ERC1: variants seen among roughly 807,000 people sequenced by gnomAD.
The protein encoded by ERC1 is ELKS/RAB6-interacting/CAST family member 1, also known as RAB6 interacting protein 2.
In ERC1, 56 loss-of-function variants were observed where a neutral mutation model predicts 132.0. The observed-to-expected ratio is 0.42, with a 90% confidence interval of 0.34 to 0.53. The LOEUF (loss-of-function observed/expected upper bound fraction) is 0.53. Ranked by LOEUF, ERC1 falls within the 20% of genes least tolerant of loss-of-function variation. The pLI is 0.03. For synonymous variants in ERC1, 478 were observed against 476.1 expected (o/e 1.00, Z -0.05); for missense variants, 1,202 against 1,349.9 (o/e 0.89, Z 1.72).
In ERC1 at chr12:1,487,825, A is replaced by AG. The variant is rs1555133018; in HGVS notation, c.3214-2268_3214-2267insG. The stretch of plus-strand genomic sequence containing the variant: ...GAAAAGAAACGAGAGAGAGAGAGAG[A>AG]AAGAAAAGAAAAGAAAGGAAAGAGA... On this transcript the variant is annotated intron_variant, in intron 18 of 18. Coordinates refer to ENST00000360905, the MANE Select transcript of ERC1 (RefSeq NM_178040.4). Among the ~76,000 whole-genome samples the AG allele has an allele frequency of 4.4e-3, 660 of 150,780 alleles. 2 individuals are homozygous for AG. Among genetic ancestry groups the AG allele is most frequent in the African/African-American group, 0.015 (624 of 41,184 alleles).
intron 2 of ERC1, among the ~76,000 whole-genome samples, chr12:1,043,624 A>G (rs775535248): frequency 1.3e-5 from 2 of 152,126 alleles, no homozygotes; most frequent in Non-Finnish European, 2.9e-5. Flanking sequence ...CCCTCATACC[A>G]TATGATTTTC....
At chr12:1,481,310 T>C (rs1264571102) in intron 18 of ERC1, among the ~76,000 whole-genome samples, 1 of 152,280 alleles carries the variant, frequency 6.6e-6, no homozygotes, top group Non-Finnish European at 1.5e-5. Context: ...CACATTGATC[T>C]AAGTTTTTAG....
chr12:1,194,633 C>CT (rs1318491577), intron 12 of ERC1, among the ~76,000 whole-genome samples: 1 of 151,882 alleles, frequency 6.6e-6, no homozygotes, highest in Non-Finnish European at 1.5e-5. Context: ...GCTTTGTTAC[C>CT]TTTTTTCTAA....
At chr12:1,406,771 G>A (rs907593929) in intron 16 of ERC1, among the ~76,000 whole-genome samples, 2 of 152,142 alleles carry the variant, frequency 1.3e-5, no homozygotes, top group African/African-American at 4.8e-5. Flanking sequence ...TACTCAGGAG[G>A]CTGAGTTGGG....
At chr12:1,129,967 A>G (rs1023658083) in intron 7 of ERC1, among the ~76,000 whole-genome samples, 2 of 152,204 alleles carry the variant, frequency 1.3e-5, no homozygotes, top group Admixed American at 6.5e-5. Context: ...ATTGAGGTTT[A>G]TTCAGTAAAG....
chr12:1,372,410 C>T (rs146615249), intron 16 of ERC1, among the ~76,000 whole-genome samples: 276 of 152,172 alleles, frequency 1.8e-3, no homozygotes, highest in African/African-American at 6.4e-3. Flanking sequence ...TTTTCTTTTC[C>T]AGCCTAAATG....
intron 15 of ERC1, among the ~76,000 whole-genome samples, chr12:1,295,523 G>A (rs1405555163): frequency 6.6e-6 from 1 of 151,966 alleles, no homozygotes; most frequent in Non-Finnish European, 1.5e-5. Flanking sequence ...ATAGAGCCGT[G>A]GGGAATCTGG....
chr12:1,020,342 A>T (rs1168695033), intron 1 of ERC1, among the ~76,000 whole-genome samples: 1 of 152,192 alleles, frequency 6.6e-6, no homozygotes, highest in Non-Finnish European at 1.5e-5. Context: ...CTGTAATCCC[A>T]GCTACTTGGG....
At chr12:1,075,632 A>G (rs1271006683) in intron 2 of ERC1, among the ~76,000 whole-genome samples, 1 of 152,114 alleles carries the variant, frequency 6.6e-6, no homozygotes, top group African/African-American at 2.4e-5. Context: ...CGGAGGTTGC[A>G]GTGAGCTGAG....
intron 18 of ERC1, among the ~76,000 whole-genome samples, chr12:1,484,068 G>GTCCAAA (rs747703311): frequency 3.3e-5 from 5 of 151,156 alleles, no homozygotes; most frequent in African/African-American, 7.3e-5. Context: ...CACTTTGGGA[G>GTCCAAA]GCTGAGGCGG....
intron 16 of ERC1, among the ~76,000 whole-genome samples, chr12:1,405,967 C>A (rs974984924): frequency 6.6e-6 from 1 of 151,960 alleles, no homozygotes; most frequent in South Asian, 2.1e-4. Context: ...CACATATACA[C>A]GTATACATAT....
At chr12:1,393,574 G>A (rs965469770) in intron 16 of ERC1, among the ~76,000 whole-genome samples, 11 of 147,896 alleles carry the variant, frequency 7.4e-5, no homozygotes, top group Non-Finnish European at 1.5e-4. Flanking sequence ...GTGATCTAAA[G>A]TTCTTTTTTT....
At chr12:1,043,975 A>G (rs1295878985) in intron 2 of ERC1, among the ~76,000 whole-genome samples, 1 of 152,070 alleles carries the variant, frequency 6.6e-6, no homozygotes, top group Non-Finnish European at 1.5e-5. Flanking sequence ...ATACAGCATT[A>G]TATAATTTTT....
At chr12:1,401,748 T>TA (rs60523460) in intron 16 of ERC1, among the ~76,000 whole-genome samples, 4,938 of 115,328 alleles carry the variant, frequency 0.043, 132 homozygotes, top group South Asian at 0.12. Flanking sequence ...GGGAGGGCGG[T>TA]AAAAAAAAAA....
intron 12 of ERC1, among the ~76,000 whole-genome samples, chr12:1,210,583 G>A (rs996844343): frequency 6.6e-6 from 1 of 152,174 alleles, no homozygotes; most frequent in African/African-American, 2.4e-5. Flanking sequence ...AGGCAGGAGG[G>A]AAATGTGTGT....
chr12:1,020,417 A>G (rs1210990517), intron 1 of ERC1, among the ~76,000 whole-genome samples: 2 of 152,232 alleles, frequency 1.3e-5, no homozygotes, highest in Admixed American at 6.5e-5. Flanking sequence ...AGATTGTGCT[A>G]CTGCACTCCA....
chr12:1,296,026 A>AC (rs1293048380), intron 15 of ERC1, among the ~76,000 whole-genome samples: 7 of 150,824 alleles, frequency 4.6e-5, no homozygotes, highest in African/African-American at 1.7e-4. Flanking sequence ...AAAAAAAAAA[A>AC]CAACTAAATT....
intron 16 of ERC1, among the ~76,000 whole-genome samples, chr12:1,404,191 TC>T (rs1215095222): frequency 6.6e-6 from 1 of 152,238 alleles, no homozygotes; most frequent in Non-Finnish European, 1.5e-5. Flanking sequence ...GGGCTTGCTC[TC>T]GGCTTCGTAG....
intron 15 of ERC1, among the ~76,000 whole-genome samples, chr12:1,322,462 C>A (rs570148146): frequency 2.6e-5 from 4 of 152,126 alleles, no homozygotes; most frequent in African/African-American, 9.7e-5. Context: ...AATTTACTTT[C>A]ATTTGTACAA....
Sources: gnomAD v4.1 joint callset for allele counts (sites outside exome capture counted in the v4.1 genomes callset) on GRCh38, gnomAD v4.1.1 for gene constraint, MANE v1.5 for transcripts, NCBI Gene and HGNC (gene_info 2026-07-23, HGNC 2026-07-21) for gene names.